The following HPSE2 variants were observed in gnomAD, a reference collection of about 807,000 sequenced individuals.
HPSE2 encodes inactive heparanase-2.
In HPSE2, 38 loss-of-function variants were observed where a neutral mutation model predicts 60.5. That is an observed-to-expected ratio of 0.63 (90% confidence interval 0.48 to 0.82). The LOEUF is 0.82. Ranked by LOEUF, HPSE2 falls within the 40% of genes least tolerant of loss-of-function variation. The pLI is 0.00. For missense variants in HPSE2, 713 were observed against 740.4 expected (o/e 0.96, Z 0.43); for synonymous variants, 295 against 293.2 (o/e 1.01, Z -0.06).
intron 6 of HPSE2, among the ~76,000 whole-genome samples, chr10:98,644,049 T>C (rs367868552): frequency 1.1e-4 from 17 of 152,328 alleles, no homozygotes; most frequent in African/African-American, 4.1e-4. Context: ...TAGGATTTCC[T>C]GTGAAGAACC....
Position 98,937,898 on chromosome 10 carries a change from AG to A in HPSE2, c.611-193843del, listed in dbSNP as rs554570396. 1.4e-3 allele frequency among the ~76,000 whole-genome samples: 203 copies of A among 143,736 alleles called. 43 individuals carry two copies. Among genetic ancestry groups the A allele is most frequent in the African/African-American group, 5.6e-3 (199 of 35,308 alleles). The allele number at this position is 143,736 out of a possible 152,430, so 94.3% of individuals were successfully genotyped here. On this transcript the variant is annotated intron_variant, in intron 3 of 11. Transcript: ENST00000370552. Reference sequence around the variant, plus strand: ...TACTCCTCTGAGACAAAACTTCCAGAGGAACGATCAGACAGCAGCATTCGCG... The same window carrying A: ...TACTCCTCTGAGACAAAACTTCCAGAGAACGATCAGACAGCAGCATTCGCG...
At chr10:98,610,439 T>G (rs1177454446) in intron 9 of HPSE2, among the ~76,000 whole-genome samples, 1 of 152,186 alleles carries the variant, frequency 6.6e-6, no homozygotes, top group Non-Finnish European at 1.5e-5. Context: ...CATGTTGCTA[T>G]GGGAACTGCA....
At chr10:98,709,596 G>C in intron 5 of HPSE2, among the ~76,000 whole-genome samples, 1 of 152,284 alleles carries the variant, frequency 6.6e-6, no homozygotes, top group South Asian at 2.1e-4. Context: ...CAGACATTTC[G>C]GTATTTGGGG....
chr10:98,612,601 T>C (rs1945792474), intron 9 of HPSE2, among the ~76,000 whole-genome samples: 1 of 151,174 alleles, frequency 6.6e-6, no homozygotes, highest in Admixed American at 6.6e-5. Context: ...TCAAGAAGAG[T>C]GAATGAAATT....
At chr10:98,935,290 T>G (rs1402087888) in intron 3 of HPSE2, among the ~76,000 whole-genome samples, 1 of 143,156 alleles carries the variant, frequency 7.0e-6, no homozygotes, top group Non-Finnish European at 1.5e-5. Flanking sequence ...TTCTGTCAGT[T>G]CATCCATCTC....
At chr10:98,853,196 T>C (rs1952225000) in intron 3 of HPSE2, among the ~76,000 whole-genome samples, 1 of 152,228 alleles carries the variant, frequency 6.6e-6, no homozygotes, top group Non-Finnish European at 1.5e-5. Context: ...CACAGCTAAA[T>C]GAGGAGGAAT....
At chr10:98,561,676 C>T (rs555655) in intron 9 of HPSE2, among the ~76,000 whole-genome samples, 129,093 of 151,894 alleles carry the variant, frequency 0.85, 56,110 homozygotes, top group East Asian at 1. Flanking sequence ...GGTGAAACCC[C>T]GTCTCTACTA....
chr10:98,679,046 C>A (rs1404636515), intron 6 of HPSE2, among the ~76,000 whole-genome samples: 1 of 152,118 alleles, frequency 6.6e-6, no homozygotes, highest in Non-Finnish European at 1.5e-5. Flanking sequence ...AGAGTGGTAA[C>A]TATCTTAGCT....
intron 3 of HPSE2, among the ~76,000 whole-genome samples, chr10:99,033,412 C>T (rs1957541547): frequency 1.2e-4 from 19 of 152,020 alleles, no homozygotes; most frequent in Admixed American, 1.2e-3. Context: ...TATGACATGA[C>T]ATTCAACAAC....
chr10:98,610,014 T>G (rs1352358803), intron 9 of HPSE2, among the ~76,000 whole-genome samples: 1 of 152,010 alleles, frequency 6.6e-6, no homozygotes, highest in Admixed American at 6.6e-5. Flanking sequence ...GCTAGTTTTT[T>G]GTATTTTTAC....
At position 98,697,281 on chromosome 10, in the gene HPSE2, A is replaced by G. The variant is rs187737250; in HGVS notation, c.957-3334T>C. ...TTGATTAAAGGGTACAGGAGCTGCTAACTACCATAAGCAGTTTCGAGAGGA... is the reference window on the plus strand; with the variant it reads ...TTGATTAAAGGGTACAGGAGCTGCTGACTACCATAAGCAGTTTCGAGAGGA... On this transcript the variant is annotated intron_variant, in intron 5 of 11. Transcript: ENST00000370552. Among the ~76,000 whole-genome samples the G allele has an allele frequency of 2.0e-5, 3 of 152,340 alleles. No homozygotes were observed. In the East Asian group the frequency reaches 5.8e-4, roughly 29 times the overall value.
intron 6 of HPSE2, among the ~76,000 whole-genome samples, chr10:98,690,472 GGAGCTTGCAGT>G (rs1236545046): frequency 8.5e-5 from 13 of 152,164 alleles, no homozygotes; most frequent in Non-Finnish European, 1.5e-4. Flanking sequence ...ACTGGGAGGT[GGAGCTTGCAGT>G]GAGCCAAGAT....
intron 3 of HPSE2, among the ~76,000 whole-genome samples, chr10:98,922,449 G>A (rs757284637): frequency 6.6e-6 from 1 of 152,156 alleles, no homozygotes; most frequent in Non-Finnish European, 1.5e-5. Context: ...ATGAAGATAC[G>A]AGGGAGAACT....
At chr10:98,845,298 G>A (rs1049554052) in intron 3 of HPSE2, among the ~76,000 whole-genome samples, 4 of 152,196 alleles carry the variant, frequency 2.6e-5, no homozygotes, top group Non-Finnish European at 4.4e-5. Context: ...GAGGATAGGT[G>A]AGCAGCCAAA....
intron 3 of HPSE2, among the ~76,000 whole-genome samples, chr10:98,766,042 C>CA (rs1950112760): frequency 6.6e-6 from 1 of 151,664 alleles, no homozygotes; most frequent in Non-Finnish European, 1.5e-5. Flanking sequence ...TCTAACAGAC[C>CA]AAAAACGAGC....
At chr10:99,039,478 T>C (rs1302552071) in intron 3 of HPSE2, among the ~76,000 whole-genome samples, 2 of 151,496 alleles carry the variant, frequency 1.3e-5, no homozygotes, top group African/African-American at 4.8e-5. Flanking sequence ...TAAAGTCCTT[T>C]AAAAATGAAG....
At position 98,457,416 on chromosome 10, in the gene HPSE2, C is replaced by A. The variant is rs901459965; in HGVS notation, c.*2158G>T. Reference sequence around the variant, plus strand: ...GGGCGAGCCATGGATCCTCTCCATGCCTCGTAGGAAAAATGGGGATAACAG... The same window carrying A: ...GGGCGAGCCATGGATCCTCTCCATGACTCGTAGGAAAAATGGGGATAACAG... On this transcript the variant is annotated 3_prime_UTR_variant, in exon 12 of 12. Coordinates refer to ENST00000370552, the MANE Select transcript of HPSE2 (RefSeq NM_021828.5). 2 of 152,134 alleles carry A rather than the reference C, an allele frequency of 1.3e-5. No homozygotes were observed. Among genetic ancestry groups the A allele is most frequent in the African/African-American group, 4.8e-5 (2 of 41,442 alleles). 9.4% of individuals were successfully genotyped at this position (152,134 alleles called of 1,614,324 possible). A position where few individuals can be genotyped will look rare whatever the true frequency, so the allele number is the denominator to read the frequency against.
At chr10:98,834,664 T>A (rs10883215) in intron 3 of HPSE2, among the ~76,000 whole-genome samples, 7,874 of 152,166 alleles carry the variant, frequency 0.052, 448 homozygotes, top group East Asian at 0.17. Flanking sequence ...AGTCTAAGAA[T>A]CCTGGATCCC....
intron 3 of HPSE2, among the ~76,000 whole-genome samples, chr10:98,838,251 T>C (rs1043679445): frequency 6.6e-6 from 1 of 152,106 alleles, no homozygotes; most frequent in Admixed American, 6.6e-5. Context: ...ACAAATTAAT[T>C]TATCTCTTTG....
Sources: gnomAD v4.1 joint callset for allele counts (sites outside exome capture counted in the v4.1 genomes callset) on GRCh38, gnomAD v4.1.1 for gene constraint, MANE v1.5 for transcripts, NCBI Gene and HGNC (gene_info 2026-07-23, HGNC 2026-07-21) for gene names.